SDK2: variants seen among roughly 807,000 people sequenced by gnomAD.
The protein encoded by SDK2 is protein sidekick-2.
Under a neutral mutation model 253.9 loss-of-function variants are expected in SDK2, and 105 were observed. The observed-to-expected ratio is 0.41, with a 90% CI of 0.35 to 0.49. The LOEUF (loss-of-function observed/expected upper bound fraction) is 0.49, where lower values mean the gene tolerates loss of function less well. SDK2 is among the 20% of genes least tolerant of loss of function. The probability of loss-of-function intolerance (pLI) is 0.06; values close to 1 mark genes in which losing one functional copy is unlikely to be tolerated. For missense variants in SDK2, 2,608 were observed against 3,003.0 expected (o/e 0.87, Z 3.07); for synonymous variants, 1,249 against 1,234.9 (o/e 1.01, Z -0.24).
chr17:73,603,628 C>A (rs2045870471), intron 1 of SDK2, among the ~76,000 whole-genome samples: 1 of 152,222 alleles, frequency 6.6e-6, no homozygotes, highest in Admixed American at 6.5e-5. Flanking sequence ...TTACGCTTCC[C>A]AGTTCTGTGC....
At position 73,437,921 on chromosome 17, in the gene SDK2, C is replaced by T. The variant is rs762362884; in HGVS notation, c.916+43G>A. 5 of 1,578,866 alleles carry T rather than the reference C, an allele frequency of 3.2e-6. No homozygotes were observed. The South Asian group carries it at 5.7e-5, about 18-fold the overall frequency. On this transcript the variant is annotated intron_variant, in intron 7 of 44. Transcript: ENST00000392650. The stretch of plus-strand genomic sequence containing the variant: ...TTAAGGAGGACCCTCGCCGTGCTGC[C>T]CCTACCCCTCAGGGGAGCCCTAGCA...
intron 1 of SDK2, among the ~76,000 whole-genome samples, chr17:73,552,906 G>A (rs913465657): frequency 3.9e-5 from 6 of 152,202 alleles, no homozygotes; most frequent in Non-Finnish European, 5.9e-5. Context: ...TCTGGCTGGC[G>A]CTCAGAGATG....
Position 73,455,290 on chromosome 17 carries a change from C to T in SDK2, c.479+616G>A, listed in dbSNP as rs980567180. Among the ~76,000 whole-genome samples the T allele has an allele frequency of 6.6e-6, 1 of 152,136 alleles. No homozygotes were observed. The highest frequency in any genetic ancestry group is 1.5e-5 in the Non-Finnish European group (1 of 68,020). On this transcript the variant is annotated intron_variant, in intron 4 of 44. Transcript: ENST00000392650. The surrounding 1 kb of genome is among the most constrained non-coding windows in gnomAD (Gnocchi z 5.0). The stretch of plus-strand genomic sequence containing the variant: ...TCTCGGGAGGAACTGCTTTGTTGCT[C>T]GCCTTCTGCGGAGGTGTGGGGTGTT...
At chr17:73,370,586 T>A (rs2062725993) in intron 36 of SDK2, among the ~76,000 whole-genome samples, 1 of 151,498 alleles carries the variant, frequency 6.6e-6, no homozygotes, top group Non-Finnish European at 1.5e-5. Context: ...CAAGACAGGG[T>A]CTCATTTTGT....
intron 18 of SDK2, among the ~76,000 whole-genome samples, chr17:73,411,997 C>T (rs12937898): frequency 0.95 from 128,704 of 135,516 alleles, 61,203 homozygotes; most frequent in Non-Finnish European, 0.99. Flanking sequence ...TATATATATA[C>T]ACACATATAT....
At chr17:73,484,111 G>A (rs1323444063) in intron 2 of SDK2, among the ~76,000 whole-genome samples, 3 of 152,122 alleles carry the variant, frequency 2.0e-5, no homozygotes, top group Admixed American at 6.5e-5. Context: ...CCTCCGGCTC[G>A]GGGAGGAAAG....
chr17:73,561,027 C>T (rs1476209523), intron 1 of SDK2, among the ~76,000 whole-genome samples: 2 of 152,158 alleles, frequency 1.3e-5, no homozygotes, highest in African/African-American at 4.8e-5. Flanking sequence ...CCCTCCTCAC[C>T]CCACTACCCA....
intron 1 of SDK2, among the ~76,000 whole-genome samples, chr17:73,513,290 G>C (rs753352743): frequency 5.9e-5 from 9 of 152,116 alleles, no homozygotes; most frequent in Non-Finnish European, 1.3e-4. Context: ...CAAACCAATA[G>C]AAAAATGGGC....
intron 1 of SDK2, among the ~76,000 whole-genome samples, chr17:73,640,710 A>T (rs1379325603): frequency 6.6e-6 from 1 of 152,128 alleles, no homozygotes; most frequent in African/African-American, 2.4e-5. Flanking sequence ...CCCAGCACTA[A>T]ACTTTCTCCC....
chr17:73,581,058 T>C (rs1955804937), intron 1 of SDK2, among the ~76,000 whole-genome samples: 1 of 151,782 alleles, frequency 6.6e-6, no homozygotes, highest in South Asian at 2.1e-4. Context: ...TTTGGTTTTT[T>C]TTTTCAGAGA....
At chr17:73,530,873 C>T (rs1567825864) in intron 1 of SDK2, among the ~76,000 whole-genome samples, 1 of 152,268 alleles carries the variant, frequency 6.6e-6, no homozygotes, top group Middle Eastern at 3.4e-3. Context: ...AAGGGGACCC[C>T]GTCTGTGTTC....
chr17:73,447,597 G>A lies in SDK2; in HGVS notation c.613+18C>T, dbSNP rs914463344. The stretch of plus-strand genomic sequence containing the variant: ...AATGGCCCGCTCCAAGATCGGTCCC[G>A]GCCCTGTGCGTACTTACTCTCCACG... On this transcript the variant is annotated intron_variant, in intron 5 of 44. Coordinates refer to ENST00000392650, the MANE Select transcript of SDK2 (RefSeq NM_001144952.2). The surrounding 1 kb of genome is among the most constrained non-coding windows in gnomAD (Gnocchi z 4.0). The A allele has an allele frequency of 3.4e-5, 52 of 1,551,662 alleles. No individual in the cohort carries two copies. The highest frequency in any genetic ancestry group is 3.9e-5 in the Non-Finnish European group (45 of 1,147,012).
intron 1 of SDK2, among the ~76,000 whole-genome samples, chr17:73,607,488 A>G (rs147883008): frequency 6.6e-6 from 1 of 151,872 alleles, no homozygotes; most frequent in African/African-American, 2.4e-5. Context: ...GCCCCTGGGG[A>G]GCTCATGAAA....
intron 1 of SDK2, among the ~76,000 whole-genome samples, chr17:73,514,388 C>A (rs2064006402): frequency 6.6e-6 from 1 of 152,208 alleles, no homozygotes; most frequent in Non-Finnish European, 1.5e-5. Context: ...TAAATGGCCC[C>A]ATACAGAAGC....
At chr17:73,547,675 A>G (rs2044987112) in intron 1 of SDK2, among the ~76,000 whole-genome samples, 1 of 152,172 alleles carries the variant, frequency 6.6e-6, no homozygotes, top group East Asian at 1.9e-4. Flanking sequence ...CTTGGTCAGA[A>G]GGGAGGGAGG....
intron 1 of SDK2, among the ~76,000 whole-genome samples, chr17:73,532,659 C>T (rs1044998927): frequency 6.6e-6 from 1 of 152,180 alleles, no homozygotes; most frequent in African/African-American, 2.4e-5. Flanking sequence ...GACAAACAAG[C>T]CTGTTAATTA....
intron 27 of SDK2, among the ~76,000 whole-genome samples, chr17:73,392,189 G>A (rs925634643): frequency 1.2e-4 from 15 of 123,238 alleles, no homozygotes; most frequent in South Asian, 5.9e-4. Context: ...AATGGGGCAG[G>A]GGGTGGGGGA....
intron 18 of SDK2, among the ~76,000 whole-genome samples, chr17:73,406,246 CTT>C (rs56122304): frequency 5.0e-5 from 7 of 139,800 alleles, no homozygotes; most frequent in East Asian, 2.1e-4. Flanking sequence ...CTACTACACT[CTT>C]TTTTTTTTTT....
intron 4 of SDK2, among the ~76,000 whole-genome samples, chr17:73,454,056 C>T (rs1438840570): frequency 1.3e-5 from 2 of 152,206 alleles, no homozygotes; most frequent in African/African-American, 4.8e-5. Context: ...CAATTGCCTA[C>T]AGTACAGTAA....
Sources: gnomAD v4.1 joint callset for allele counts (sites outside exome capture counted in the v4.1 genomes callset) on GRCh38, gnomAD v4.1.1 for gene constraint, Gnocchi (gnomAD v3.1) non-coding constraint, MANE v1.5 for transcripts, NCBI Gene and HGNC (gene_info 2026-07-23, HGNC 2026-07-21) for gene names.